Variants in TAF2 observed in about 807,000 individuals in gnomAD.
TAF2 encodes TATA-box binding protein associated factor 2.
Under a neutral mutation model 138.5 loss-of-function variants are expected in TAF2, and 61 were observed. The observed-to-expected ratio is 0.44, with a 90% confidence interval of 0.36 to 0.54. The LOEUF (loss-of-function observed/expected upper bound fraction) is 0.54. TAF2 is among the 20% of genes least tolerant of loss of function. The probability of loss-of-function intolerance (pLI) is 0.00; values close to 1 mark genes in which losing one functional copy is unlikely to be tolerated. For synonymous variants in TAF2, 475 were observed against 469.9 expected (o/e 1.01, Z -0.14); for missense variants, 1,090 against 1,427.9 (o/e 0.76, Z 3.81).
At chr8:119,733,091 T>C (rs573865482) in intron 25 of TAF2, among the ~76,000 whole-genome samples, 5 of 152,172 alleles carry the variant, frequency 3.3e-5, no homozygotes, top group Non-Finnish European at 5.9e-5. Flanking sequence ...GCATGGATTT[T>C]CGTATACCAG....
intron 14 of TAF2, among the ~76,000 whole-genome samples, chr8:119,786,876 G>A (rs796943803): frequency 2.9e-4 from 44 of 152,152 alleles, no homozygotes; most frequent in African/African-American, 9.6e-4. Flanking sequence ...AGCTGAGATC[G>A]CGCCACTGCA....
chr8:119,731,619 T>A lies in TAF2; in HGVS notation c.*305A>T. On this transcript the variant is annotated 3_prime_UTR_variant, in exon 26 of 26. Transcript: ENST00000378164. The stretch of plus-strand genomic sequence containing the variant: ...ACTTTGGCGGTACACATGGAGACCA[T>A]GATGCGAACGGGGACTGCCAGTGGA... 1 of 388,836 alleles carries A rather than the reference T, an allele frequency of 2.6e-6. No individual in the cohort carries two copies. Among genetic ancestry groups the A allele is most frequent in the Non-Finnish European group, 4.8e-6 (1 of 206,948 alleles). 24.1% of individuals were successfully genotyped at this position (388,836 alleles called of 1,614,324 possible). A position where few individuals can be genotyped will look rare whatever the true frequency, so the allele number is the denominator to read the frequency against.
chr8:119,761,466 A>C (rs1404320786), intron 19 of TAF2: 1 of 152,214 alleles, frequency 6.6e-6, no homozygotes, highest in East Asian at 1.9e-4. Context: ...AATTTTTGCA[A>C]TGATAAAAAT....
At chr8:119,812,725 GTGTGT>G in intron 3 of TAF2, among the ~76,000 whole-genome samples, 1 of 58,666 alleles carries the variant, frequency 1.7e-5, no homozygotes, top group Admixed American at 2.7e-4. Flanking sequence ...CATGGTGTGT[GTGTGT>G]GTGTGTGTGT....
intron 3 of TAF2, among the ~76,000 whole-genome samples, 191 bp from the exon 4 acceptor site, chr8:119,806,592 C>T (rs1025904914): frequency 6.6e-6 from 1 of 151,468 alleles, no homozygotes; most frequent in Non-Finnish European, 1.5e-5. Context: ...CTCAGCCTCC[C>T]GAGTAGCTAG....
At chr8:119,815,777 A>G (rs757801932) in intron 3 of TAF2, among the ~76,000 whole-genome samples, 2 of 152,192 alleles carry the variant, frequency 1.3e-5, no homozygotes, top group Admixed American at 6.5e-5. Flanking sequence ...TCTACAATCT[A>G]TCTACAATCC....
At position 119,731,687 on chromosome 8, in the gene TAF2, T is replaced by G; in HGVS notation, c.*237A>C. 1 of 538,012 alleles carries G rather than the reference T, an allele frequency of 1.9e-6. No homozygotes were observed. The highest frequency in any genetic ancestry group is 3.3e-6 in the Non-Finnish European group (1 of 300,028). The allele number at this position is 538,012 out of a possible 1,614,324, so 33.3% of individuals were successfully genotyped here. ...AAGGGAGTTTGCTCTGTGTGTGTGTTTTGGGGAGGAAACAGCGGATGAAAT... is the reference window on the plus strand; with the variant it reads ...AAGGGAGTTTGCTCTGTGTGTGTGTGTTGGGGAGGAAACAGCGGATGAAAT... On this transcript the variant is annotated 3_prime_UTR_variant, in exon 26 of 26. Transcript: ENST00000378164.
intron 16 of TAF2, among the ~76,000 whole-genome samples, 189 bp downstream of exon 16, chr8:119,783,192 T>C (rs1822791554): frequency 6.6e-6 from 1 of 152,248 alleles, no homozygotes; most frequent in Admixed American, 6.5e-5. Flanking sequence ...AAAATTATTC[T>C]GCATATCTAT....
intron 3 of TAF2, 52 bp downstream of exon 3, chr8:119,819,294 A>C: frequency 6.3e-7 from 1 of 1,583,240 alleles, no homozygotes. Flanking sequence ...AATCATTAAA[A>C]ACATTTTTTC....
At chr8:119,791,593 A>G (rs1586447870) in intron 10 of TAF2, 134 bp from the exon 11 acceptor site, 1 of 968,176 alleles carries the variant, frequency 1.0e-6, no homozygotes, top group East Asian at 2.7e-5. Flanking sequence ...GTACTAATAA[A>G]CATCTAAAAA....
intron 19 of TAF2, among the ~76,000 whole-genome samples, 191 bp downstream of exon 19, chr8:119,762,224 G>A (rs1448429901): frequency 1.3e-5 from 2 of 152,168 alleles, no homozygotes; most frequent in Non-Finnish European, 2.9e-5. Flanking sequence ...AAAAATTTAT[G>A]TAGTTAAAGA....
chr8:119,786,375 T>TATTA (rs1268346246), intron 14 of TAF2, among the ~76,000 whole-genome samples: 7 of 152,270 alleles, frequency 4.6e-5, no homozygotes, highest in African/African-American at 1.4e-4. Context: ...TTCCTCTAGG[T>TATTA]ATTAATCCAA....
At chr8:119,797,195 A>G in intron 7 of TAF2, 92 bp from the exon 8 acceptor site, 3 of 928,538 alleles carry the variant, frequency 3.2e-6, no homozygotes, top group Non-Finnish European at 3.3e-6. Context: ...AAACAATGGA[A>G]GCTAAATAGA....
At chr8:119,826,013 G>C (rs1826075433) in intron 2 of TAF2, among the ~76,000 whole-genome samples, 1 of 151,968 alleles carries the variant, frequency 6.6e-6, no homozygotes, top group Non-Finnish European at 1.5e-5. Context: ...AAAAACAGGA[G>C]TTTTTGCAAA....
chr8:119,797,043 T>C lies in TAF2; in HGVS notation c.1038A>G (p.Leu346=), dbSNP rs770843380. 6.2e-7 allele frequency: 1 copy of C among 1,613,398 alleles called. No individual in the cohort carries two copies. Among genetic ancestry groups the C allele is most frequent in the East Asian group, 2.2e-5 (1 of 44,782 alleles). ...IDETPLTRRC[L]AQSLAQQFFG... is the part of the protein sequence containing the mutation. ...AAAACTGCTGGGCCAAGGATTGGGC[T>C]AAACACCTTCTAGTCAAAGGTGTCT... The change falls in exon 8 of 26, where the codon TTA becomes TTG. Residue 346 remains leucine (L), a synonymous_variant. Coordinates refer to ENST00000378164, the MANE Select transcript of TAF2 (RefSeq NM_003184.4).
intron 17 of TAF2, among the ~76,000 whole-genome samples, chr8:119,780,497 C>G (rs1822565305): frequency 6.6e-6 from 1 of 152,192 alleles, no homozygotes; most frequent in Non-Finnish European, 1.5e-5. Flanking sequence ...GAAGGGCTTA[C>G]TCACTTCTCC....
intron 17 of TAF2, 40 bp from the exon 18 acceptor site, chr8:119,778,169 T>C: frequency 8.1e-7 from 1 of 1,235,438 alleles, no homozygotes. Flanking sequence ...GCACAGAACC[T>C]AACTTTTTGT....
chr8:119,794,395 CAA>C (rs147358018), intron 9 of TAF2, among the ~76,000 whole-genome samples: 12 of 119,044 alleles, frequency 1.0e-4, no homozygotes, highest in Admixed American at 9.3e-5. Flanking sequence ...GACTCCGTCT[CAA>C]AAAAAAAAAA....
chr8:119,802,516 C>T (rs1358593656), intron 5 of TAF2, among the ~76,000 whole-genome samples: 2 of 152,166 alleles, frequency 1.3e-5, no homozygotes, highest in East Asian at 3.8e-4. Context: ...TTATAGTCAG[C>T]TTTCATCAGT....
Sources: gnomAD v4.1 joint callset for allele counts (sites outside exome capture counted in the v4.1 genomes callset) on GRCh38, gnomAD v4.1.1 for gene constraint, MANE v1.5 for transcripts, NCBI Gene and HGNC (gene_info 2026-07-23, HGNC 2026-07-21) for gene names.